The following KCNQ5 variants were observed in gnomAD, a reference collection of about 807,000 sequenced individuals.
The protein encoded by KCNQ5 is potassium voltage-gated channel subfamily Q member 5.
In KCNQ5, 30 loss-of-function variants were observed where a neutral mutation model predicts 98.2. The observed-to-expected ratio is 0.31, with a 90% confidence interval of 0.23 to 0.41. The LOEUF (loss-of-function observed/expected upper bound fraction) is 0.41. Ranked by LOEUF, KCNQ5 falls within the 10% of genes least tolerant of loss-of-function variation. KCNQ5 has a pLI of 1.00. For synonymous variants in KCNQ5, 458 were observed against 449.4 expected, an observed-to-expected ratio of 1.02 and a Z score of -0.24; for missense variants, 835 against 1,182.5, an observed-to-expected ratio of 0.71 and a Z score of 4.31.
Position 73,059,652 on chromosome 6 carries a change from A to G in KCNQ5, c.616+17590A>G, listed in dbSNP as rs147598412. ...ATTAGACCATGCTGTCTTAAATGAC[A>G]TCTTATTTTCATAGAAATCATGTTT... On this transcript the variant is annotated intron_variant, in intron 3 of 13. Transcript: ENST00000370398. 3.2e-3 allele frequency among the ~76,000 whole-genome samples: 493 copies of G among 152,246 alleles called. 2 individuals carry two copies. The highest frequency in any genetic ancestry group is 0.011 in the African/African-American group (464 of 41,550).
chr6:73,169,990 T>C (rs1262364687), intron 11 of KCNQ5, 136 bp downstream of exon 11: 5 of 642,468 alleles, frequency 7.8e-6, no homozygotes, highest in Non-Finnish European at 5.6e-6. Context: ...CATATGCCTA[T>C]TGAATTGTGA....
At chr6:73,115,994 T>C (rs777645088) in intron 7 of KCNQ5, among the ~76,000 whole-genome samples, 5 of 152,236 alleles carry the variant, frequency 3.3e-5, no homozygotes, top group Non-Finnish European at 7.3e-5. Flanking sequence ...AGTTCTCAGA[T>C]TTCATGATGC....
Position 72,760,447 on chromosome 6 carries a change from CGTGTGTGTGTGT to C in KCNQ5, c.398+137882_398+137893del, listed in dbSNP as rs10607088. 1.3e-3 allele frequency among the ~76,000 whole-genome samples: 196 copies of C among 148,138 alleles called. 1 individual carries two copies. The highest frequency in any genetic ancestry group is 4.7e-3 in the African/African-American group (190 of 40,338). Reference sequence around the variant, plus strand: ...AATAGAATTGTTTTTTTCAGGAGTACGTGTGTGTGTGTGTGTGTGTGTGTGTGTGTGTGCACG... The same window carrying C: ...AATAGAATTGTTTTTTTCAGGAGTACGTGTGTGTGTGTGTGTGTGTGCACG... On this transcript the variant is annotated intron_variant, in intron 1 of 13. Coordinates refer to ENST00000370398, the MANE Select transcript of KCNQ5 (RefSeq NM_019842.4).
At chr6:72,896,735 C>T (rs1191411159) in intron 1 of KCNQ5, among the ~76,000 whole-genome samples, 1 of 152,164 alleles carries the variant, frequency 6.6e-6, no homozygotes, top group Non-Finnish European at 1.5e-5. Flanking sequence ...TCTCTGAAGT[C>T]TTCCAAGTTG....
chr6:73,076,038 G>A (rs1227501295), intron 3 of KCNQ5, among the ~76,000 whole-genome samples: 1 of 152,104 alleles, frequency 6.6e-6, no homozygotes, highest in African/African-American at 2.4e-5. Context: ...GATGGAAAGA[G>A]GGAAGAAAGG....
rs1053898258 is a variant in KCNQ5 at position 72,924,652 on chromosome 6, T to C, written c.399-79256T>C. On this transcript the variant is annotated intron_variant, in intron 1 of 13. Transcript: ENST00000370398. ...TTCCCTTCCCAGAGCTATGCAGTATTCTTCTCTCTCACCCTCCTTCCACTC... is the reference window on the plus strand; with the variant it reads ...TTCCCTTCCCAGAGCTATGCAGTATCCTTCTCTCTCACCCTCCTTCCACTC... Among the ~76,000 whole-genome samples the C allele has an allele frequency of 2.8e-4, 43 of 151,572 alleles. 1 individual carries two copies. The highest frequency in any genetic ancestry group is 2.8e-3 in the Admixed American group (43 of 15,256).
intron 1 of KCNQ5, among the ~76,000 whole-genome samples, chr6:72,841,943 T>C (rs1776813935): frequency 6.6e-6 from 1 of 152,194 alleles, no homozygotes; most frequent in Non-Finnish European, 1.5e-5. Flanking sequence ...TGAATCTTGG[T>C]TGTCAAGGGG....
intron 1 of KCNQ5, among the ~76,000 whole-genome samples, chr6:73,002,894 G>C (rs776634834): frequency 1.3e-5 from 2 of 152,188 alleles, no homozygotes; most frequent in Non-Finnish European, 2.9e-5. Context: ...CCAATCAAGT[G>C]TGGTGGTAAG....
chr6:72,814,920 T>C (rs1775425331), intron 1 of KCNQ5, among the ~76,000 whole-genome samples: 2 of 152,220 alleles, frequency 1.3e-5, no homozygotes, highest in Non-Finnish European at 2.9e-5. Flanking sequence ...GGAAACGGTT[T>C]GGTGTAATAT....
rs970181659 is a variant in KCNQ5, at chr6:72,955,132, A to AT, written c.399-48772dup. Among the ~76,000 whole-genome samples, 8 of 152,262 alleles carry AT rather than the reference A, an allele frequency of 5.3e-5. No homozygotes were observed. The East Asian group carries it at 7.7e-4, about 15-fold the overall frequency. On this transcript the variant is annotated intron_variant, in intron 1 of 13. Coordinates refer to ENST00000370398, the MANE Select transcript of KCNQ5 (RefSeq NM_019842.4). ...GCAGATCTAAACGTTAGTTTAGGTTATTTTCACAAGCAATTGTTCCACAAT... is the reference window on the plus strand; with the variant it reads ...GCAGATCTAAACGTTAGTTTAGGTTATTTTTCACAAGCAATTGTTCCACAAT...
At chr6:72,657,092 C>T (rs567936281) in intron 1 of KCNQ5, among the ~76,000 whole-genome samples, 4 of 152,032 alleles carry the variant, frequency 2.6e-5, no homozygotes, top group East Asian at 3.9e-4. Context: ...TGTCTATAGT[C>T]GTAGCTACTC....
intron 1 of KCNQ5, among the ~76,000 whole-genome samples, chr6:72,719,408 T>C (rs1454898409): frequency 6.6e-6 from 1 of 152,084 alleles, no homozygotes; most frequent in Admixed American, 6.6e-5. Context: ...TCTTAAGTAA[T>C]GATGAAGTAA....
At chr6:72,857,499 T>A (rs1167399861) in intron 1 of KCNQ5, among the ~76,000 whole-genome samples, 2 of 152,208 alleles carry the variant, frequency 1.3e-5, no homozygotes. Flanking sequence ...GCAGTTTACA[T>A]ACAAAACAAG....
intron 1 of KCNQ5, among the ~76,000 whole-genome samples, chr6:72,961,392 C>G (rs948689008): frequency 2.0e-5 from 3 of 151,700 alleles, no homozygotes; most frequent in African/African-American, 7.3e-5. Context: ...CGAAGGCGGG[C>G]GGATCACGAG....
At chr6:72,721,374 G>A (rs1769950470) in intron 1 of KCNQ5, among the ~76,000 whole-genome samples, 1 of 151,932 alleles carries the variant, frequency 6.6e-6, no homozygotes. Flanking sequence ...AAACTAGTGT[G>A]TAAACAAGCT....
At chr6:73,059,364 G>T (rs905471374) in intron 3 of KCNQ5, among the ~76,000 whole-genome samples, 9 of 152,116 alleles carry the variant, frequency 5.9e-5, no homozygotes, top group Admixed American at 6.5e-5. Flanking sequence ...TAAGCATTGA[G>T]TTATATGGTC....
At chr6:72,714,966 A>G (rs1769570237) in intron 1 of KCNQ5, among the ~76,000 whole-genome samples, 1 of 152,196 alleles carries the variant, frequency 6.6e-6, no homozygotes, top group South Asian at 2.1e-4. Context: ...AGCTTCTGTG[A>G]GCCAATTGTT....
intron 1 of KCNQ5, among the ~76,000 whole-genome samples, chr6:72,722,849 CTT>C (rs539617196): frequency 1.0e-4 from 13 of 126,274 alleles, no homozygotes; most frequent in East Asian, 2.3e-4. Flanking sequence ...GTTTGGTTGA[CTT>C]TTTTTTTTTT....
chr6:72,736,563 G>C (rs1770851692), intron 1 of KCNQ5, among the ~76,000 whole-genome samples: 1 of 138,174 alleles, frequency 7.2e-6, no homozygotes, highest in Non-Finnish European at 1.5e-5. Flanking sequence ...GCAGTGGCGG[G>C]ATCTCGGCTC....
Sources: gnomAD v4.1 joint callset for allele counts (sites outside exome capture counted in the v4.1 genomes callset) on GRCh38, gnomAD v4.1.1 for gene constraint, MANE v1.5 for transcripts, NCBI Gene and HGNC (gene_info 2026-07-23, HGNC 2026-07-21) for gene names.